Variants in ATP8B1 observed in about 807,000 individuals in gnomAD.
The protein encoded by ATP8B1 is ATPase phospholipid transporting 8B1, also known as phospholipid-transporting ATPase IC.
In ATP8B1, 80 loss-of-function variants were observed where a neutral mutation model predicts 149.9. That is an observed-to-expected ratio of 0.53 (90% CI 0.45 to 0.64). The LOEUF (loss-of-function observed/expected upper bound fraction) is 0.64, where lower values mean the gene tolerates loss of function less well. Among genes scored for constraint, ATP8B1 ranks in the 30% least tolerant of loss-of-function variants. The pLI is 0.00. For synonymous variants in ATP8B1, 536 were observed against 562.8 expected, an observed-to-expected ratio of 0.95 and a Z score of 0.67; for missense variants, 1,247 against 1,552.6, an observed-to-expected ratio of 0.80 and a Z score of 3.31.
chr18:57,731,463 C>G, intron 2 of ATP8B1, 164 bp downstream of exon 2: 1 of 803,258 alleles, frequency 1.2e-6, no homozygotes. Flanking sequence ...ACAATGGGTA[C>G]TTGTCCAAGC....
At chr18:57,790,652 A>G (rs971347438) in intron 1 of ATP8B1, among the ~76,000 whole-genome samples, 4 of 151,824 alleles carry the variant, frequency 2.6e-5, no homozygotes, top group Non-Finnish European at 4.4e-5. Flanking sequence ...AAGAGACCCC[A>G]CTCCCTGGGC....
At chr18:57,723,947 A>T (rs973649137) in intron 2 of ATP8B1, among the ~76,000 whole-genome samples, 1 of 146,836 alleles carries the variant, frequency 6.8e-6, no homozygotes, top group Non-Finnish European at 1.5e-5. Context: ...ATAATGCCGC[A>T]TACCTAGAAC....
At chr18:57,676,697 G>A (rs369181383) in intron 15 of ATP8B1, among the ~76,000 whole-genome samples, 11 of 117,266 alleles carry the variant, frequency 9.4e-5, no homozygotes, top group African/African-American at 3.7e-4. Flanking sequence ...CCACCCTGGT[G>A]ACAGACCGAG....
At chr18:57,759,179 A>AAAAAAAAAAAAAAAAAAAAAAAAAC (rs2080120863) in intron 1 of ATP8B1, among the ~76,000 whole-genome samples, 1 of 139,984 alleles carries the variant, frequency 7.1e-6, no homozygotes, top group Non-Finnish European at 1.6e-5. Context: ...AAAAAAAAAA[A>AAAAAAAAAAAAAAAAAAAAAAAAAC]AAAGAAATCC....
At chr18:57,710,017 G>T (rs1178426623) in intron 2 of ATP8B1, among the ~76,000 whole-genome samples, 1 of 146,422 alleles carries the variant, frequency 6.8e-6, no homozygotes, top group Non-Finnish European at 1.5e-5. Flanking sequence ...TTTTTTAAGA[G>T]ACGGAGTCTC....
intron 2 of ATP8B1, among the ~76,000 whole-genome samples, chr18:57,719,096 G>A (rs2079612191): frequency 6.6e-6 from 1 of 152,136 alleles, no homozygotes; most frequent in Non-Finnish European, 1.5e-5. Context: ...TCTCATATTT[G>A]GAAAAACCTA....
At chr18:57,777,401 C>G (rs1470107633) in intron 1 of ATP8B1, among the ~76,000 whole-genome samples, 1 of 152,074 alleles carries the variant, frequency 6.6e-6, no homozygotes, top group African/African-American at 2.4e-5. Flanking sequence ...AAGTCAAATT[C>G]CACTGTCATT....
At chr18:57,795,510 G>A (rs994223653) in intron 1 of ATP8B1, among the ~76,000 whole-genome samples, 4 of 152,094 alleles carry the variant, frequency 2.6e-5, no homozygotes, top group Middle Eastern at 3.2e-3. Context: ...GCATACAATG[G>A]AATATTATTC....
chr18:57,692,929 C>T lies in ATP8B1; in HGVS notation c.1030-932G>A, dbSNP rs552967245. Reference sequence around the variant, plus strand: ...ACCATCCTAGTGGTACTTGGAGATTCGCAAGTGGGAATAAAATTTCCAGAG... The same window carrying T: ...ACCATCCTAGTGGTACTTGGAGATTTGCAAGTGGGAATAAAATTTCCAGAG... On this transcript the variant is annotated intron_variant, in intron 11 of 27. Coordinates refer to ENST00000648908, the MANE Select transcript of ATP8B1 (RefSeq NM_001374385.1). Among the ~76,000 whole-genome samples, 17 of 152,154 alleles carry T rather than the reference C, an allele frequency of 1.1e-4. No homozygotes were observed. In the South Asian group the frequency reaches 3.3e-3, roughly 30 times the overall value.
chr18:57,661,029 T>C, intron 22 of ATP8B1, 145 bp downstream of exon 22: 1 of 1,148,070 alleles, frequency 8.7e-7, no homozygotes, highest in Non-Finnish European at 1.3e-6. Flanking sequence ...ACAGGCGTTG[T>C]CATGGTTAAG....
At chr18:57,701,700 C>CT (rs1332049355) in intron 4 of ATP8B1, among the ~76,000 whole-genome samples, 1,484 of 143,952 alleles carry the variant, frequency 0.01, 22 homozygotes, top group African/African-American at 0.032. Context: ...CTTTTTTTTT[C>CT]TTTTTTTTTT....
intron 1 of ATP8B1, among the ~76,000 whole-genome samples, chr18:57,757,843 C>A (rs2080100002): frequency 6.6e-6 from 1 of 152,150 alleles, no homozygotes; most frequent in Admixed American, 6.5e-5. Context: ...CAAGATGGAG[C>A]ATATCTCATA....
chr18:57,792,425 G>A (rs1445568445), intron 1 of ATP8B1, among the ~76,000 whole-genome samples: 2 of 152,028 alleles, frequency 1.3e-5, no homozygotes, highest in African/African-American at 4.8e-5. Context: ...TGGGATTACA[G>A]GTGTGAGCCA....
Position 57,652,226 on chromosome 18 carries a change from A to G in ATP8B1, c.3262-54T>C, listed in dbSNP as rs937398042. 8 of 1,605,102 alleles carry G rather than the reference A, an allele frequency of 5.0e-6. No homozygotes were observed. The African/African-American group carries it at 1.1e-4, about 21-fold the overall frequency. On this transcript the variant is annotated intron_variant, in intron 25 of 27. Coordinates refer to ENST00000648908, the MANE Select transcript of ATP8B1 (RefSeq NM_001374385.1). ...ACTCATTTTGGGGAGTTAGCAAGAA[A>G]TAAAGGATCTAACAATCCTGAAAAC...
At chr18:57,657,893 C>T (rs1384957935) in intron 22 of ATP8B1, among the ~76,000 whole-genome samples, 1 of 152,196 alleles carries the variant, frequency 6.6e-6, no homozygotes, top group Non-Finnish European at 1.5e-5. Context: ...TGAACAGATA[C>T]ACTATAAGGT....
intron 2 of ATP8B1, among the ~76,000 whole-genome samples, chr18:57,717,534 C>A (rs1599149346): frequency 3.9e-5 from 2 of 50,770 alleles, no homozygotes; most frequent in Admixed American, 3.1e-4. Context: ...GGTAACAGAG[C>A]AAGACTCTGT....
intron 12 of ATP8B1, among the ~76,000 whole-genome samples, chr18:57,691,491 T>G (rs1272214371): frequency 6.6e-6 from 1 of 152,188 alleles, no homozygotes; most frequent in African/African-American, 2.4e-5. Context: ...CCCAGTCCCT[T>G]TCTGAAGTCT....
At chr18:57,753,795 G>A (rs2080046674) in intron 1 of ATP8B1, among the ~76,000 whole-genome samples, 3 of 151,854 alleles carry the variant, frequency 2.0e-5, no homozygotes, top group African/African-American at 7.3e-5. Flanking sequence ...GGGCTTGGTG[G>A]TGCACTTCTG....
intron 15 of ATP8B1, among the ~76,000 whole-genome samples, chr18:57,677,546 A>C (rs1599105139): frequency 7.9e-6 from 1 of 126,538 alleles, no homozygotes; most frequent in Non-Finnish European, 1.7e-5. Flanking sequence ...GAGAGAGCTA[A>C]ACACACCTTC....
Sources: allele counts gnomAD v4.1 joint callset (sites outside exome capture counted in the v4.1 genomes callset), GRCh38; gene constraint gnomAD v4.1.1; transcripts MANE v1.5; gene names NCBI Gene and HGNC (gene_info 2026-07-23, HGNC 2026-07-21).